Variants in PCDHGB5 observed in about 807,000 individuals in gnomAD.
The protein encoded by PCDHGB5 is protocadherin gamma subfamily B, 5.
Under a neutral mutation model 62.9 loss-of-function variants are expected in PCDHGB5, and 48 were observed. The observed-to-expected ratio is 0.76, with a 90% confidence interval of 0.61 to 0.97. The LOEUF (loss-of-function observed/expected upper bound fraction) is 0.97, where lower values mean the gene tolerates loss of function less well. Among genes scored for constraint, PCDHGB5 ranks in the 50% least tolerant of loss-of-function variants. The pLI, the probability that PCDHGB5 is intolerant of heterozygous loss-of-function variation, is 0.00. For synonymous variants in PCDHGB5, 474 were observed against 511.2 expected, an observed-to-expected ratio of 0.93 and a Z score of 0.98; for missense variants, 1,118 against 1,198.6, an observed-to-expected ratio of 0.93 and a Z score of 0.99.
chr5:141,410,682 C>T (rs1589771736), intron 1 of PCDHGB5: 2 of 1,531,954 alleles, frequency 1.3e-6, no homozygotes, highest in South Asian at 1.2e-5. Context: ...ATATTTTAGG[C>T]ATACTACTTT....
At chr5:141,483,009 C>G (rs538900128) in intron 1 of PCDHGB5, among the ~76,000 whole-genome samples, 1 of 152,060 alleles carries the variant, frequency 6.6e-6, no homozygotes, top group South Asian at 2.1e-4. Context: ...TGCTTGAACC[C>G]GGGAGGCAGA....
chr5:141,469,104 C>T (rs1046234848), intron 1 of PCDHGB5, among the ~76,000 whole-genome samples: 1 of 151,760 alleles, frequency 6.6e-6, no homozygotes, highest in Admixed American at 6.6e-5. Flanking sequence ...AAGCAAGAAC[C>T]TGTCTCTAAA....
rs1461837957 is a variant in PCDHGB5, at chr5:141,432,613, G to C, written c.2397+32089G>C. The C allele has an allele frequency of 6.2e-7, 1 of 1,613,946 alleles. No homozygotes were observed. The highest frequency in any genetic ancestry group is 1.3e-5 in the African/African-American group (1 of 75,056). On this transcript the variant is annotated intron_variant, in intron 1 of 3. Coordinates refer to ENST00000617380, the MANE Select transcript of PCDHGB5 (RefSeq NM_018925.3). The surrounding 1 kb of genome is among the most constrained non-coding windows in gnomAD (Gnocchi z 6.0). ...AGGCCAGCGAGCCGGGACTCTTCTC[G>C]GTGGGTCTGCACACGGGCGAGGTGC...
In PCDHGB5 at chr5:141,487,102, G is replaced by C; in HGVS notation, c.2398-7705G>C. The C allele has an allele frequency of 6.2e-7, 1 of 1,613,900 alleles. No homozygotes were observed. Among genetic ancestry groups the C allele is most frequent in the Non-Finnish European group, 8.5e-7 (1 of 1,179,818 alleles). ...CAGCTGACCTCCCACCACAGAAGCTGGTCATTGTGGTAAAGGATAGTGGTA... is the reference window on the plus strand; with the variant it reads ...CAGCTGACCTCCCACCACAGAAGCTCGTCATTGTGGTAAAGGATAGTGGTA... On this transcript the variant is annotated intron_variant, in intron 1 of 3. Transcript: ENST00000617380. This position sits in a 1 kb window ranked among gnomAD's most constrained non-coding sequence, Gnocchi z 5.0.
chr5:141,412,346 T>C (rs1489657145), intron 1 of PCDHGB5: 1 of 152,238 alleles, frequency 6.6e-6, no homozygotes, highest in African/African-American at 2.4e-5. Flanking sequence ...TATGTTCATT[T>C]TAGTTTGTGA....
In PCDHGB5 at chr5:141,410,160, C is replaced by T. The variant is rs767993789; in HGVS notation, c.2397+9636C>T. ...GCTGTGCGTGACGGTGGACAGCCGC[C>T]ACTCTCTGCCACCGCCACGCTTCAT... On this transcript the variant is annotated intron_variant, in intron 1 of 3. Transcript: ENST00000617380. 100 of 1,613,580 alleles carry T rather than the reference C, an allele frequency of 6.2e-5. No individual in the cohort carries two copies. In the Middle Eastern group the frequency reaches 2.1e-3, roughly 34 times the overall value.
Position 141,487,552 on chromosome 5 carries a change from A to C in PCDHGB5, c.2398-7255A>C. On this transcript the variant is annotated intron_variant, in intron 1 of 3. Coordinates refer to ENST00000617380, the MANE Select transcript of PCDHGB5 (RefSeq NM_018925.3). The surrounding 1 kb of genome is among the most constrained non-coding windows in gnomAD (Gnocchi z 5.0). ...TCATGATGGTGAAGTCACCCAGTGC[A>C]CCTATGGCAGGGGAGCCTGTTCGCC... is the stretch of plus-strand genomic sequence containing the variant. 2 of 1,614,116 alleles carry C rather than the reference A, an allele frequency of 1.2e-6. No homozygotes were observed. The highest frequency in any genetic ancestry group is 1.7e-6 in the Non-Finnish European group (2 of 1,180,024).
chr5:141,413,235 C>A, intron 1 of PCDHGB5: 1 of 1,613,954 alleles, frequency 6.2e-7, no homozygotes, highest in Non-Finnish European at 8.5e-7. Context: ...TGGTCCTGCT[C>A]TGCCTTTTCT....
intron 1 of PCDHGB5, among the ~76,000 whole-genome samples, chr5:141,437,588 A>G (rs1399641711): frequency 6.6e-6 from 1 of 152,134 alleles, no homozygotes; most frequent in African/African-American, 2.4e-5. Context: ...CATGAATTGG[A>G]TAGTTCTGGT....
At chr5:141,471,965 G>A (rs919560714) in intron 1 of PCDHGB5, among the ~76,000 whole-genome samples, 4 of 152,160 alleles carry the variant, frequency 2.6e-5, no homozygotes, top group Non-Finnish European at 4.4e-5. Context: ...GGGGTTGGTT[G>A]CATTACTGTA....
At chr5:141,450,790 A>G (rs2098694056) in intron 1 of PCDHGB5, among the ~76,000 whole-genome samples, 1 of 148,832 alleles carries the variant, frequency 6.7e-6, no homozygotes, top group Admixed American at 6.7e-5. Context: ...CCCGGACCTC[A>G]TGATTGTATT....
At chr5:141,423,499 G>T (rs1590485367) in intron 1 of PCDHGB5, 1 of 1,613,966 alleles carries the variant, frequency 6.2e-7, no homozygotes, top group Non-Finnish European at 8.5e-7. Context: ...TTCCCACGAG[G>T]TCTCTCTCAT....
chr5:141,406,761 A>T (rs1327829124), intron 1 of PCDHGB5, among the ~76,000 whole-genome samples: 1 of 152,234 alleles, frequency 6.6e-6, no homozygotes. Flanking sequence ...ACAAGGAATT[A>T]AAAATATTTC....
rs532725430 is a variant in PCDHGB5, at chr5:141,429,107, G to A, written c.2397+28583G>A. On this transcript the variant is annotated intron_variant, in intron 1 of 3. Transcript: ENST00000617380. ...CTGACCTCGTGATCTGCCCGCCTCG[G>A]CCTCCCAAAGTGCTGGGATTATAGG... The A allele has an allele frequency of 3.8e-3, 579 of 152,026 alleles. 5 individuals are homozygous for A. Among genetic ancestry groups the A allele is most frequent in the Admixed American group, 0.011 (166 of 15,232 alleles). The allele number at this position is 152,026 out of a possible 1,614,324, so 9.4% of individuals were successfully genotyped here. A position where few individuals can be genotyped will look rare whatever the true frequency, so the allele number is the denominator to read the frequency against.
Position 141,486,388 on chromosome 5 carries a change from C to T in PCDHGB5, c.2398-8419C>T, listed in dbSNP as rs2099628930. ...TCAAGTCTGCCTTCAGGAACCAGTT[C>T]TCCCTGGTGACTGCTGGACCCTTGG... On this transcript the variant is annotated intron_variant, in intron 1 of 3. Coordinates refer to ENST00000617380, the MANE Select transcript of PCDHGB5 (RefSeq NM_018925.3). This position sits in a 1 kb window ranked among gnomAD's most constrained non-coding sequence, Gnocchi z 5.0. 2 of 1,613,988 alleles carry T rather than the reference C, an allele frequency of 1.2e-6. No individual in the cohort carries two copies. The highest frequency in any genetic ancestry group is 2.7e-5 in the African/African-American group (2 of 74,924).
In PCDHGB5 at chr5:141,457,491, A is replaced by G. The variant is rs1462989353; in HGVS notation, c.2398-37316A>G. Among the ~76,000 whole-genome samples, 9 of 152,368 alleles carry G rather than the reference A, an allele frequency of 5.9e-5. No individual in the cohort carries two copies. The East Asian group carries it at 1.5e-3, about 26-fold the overall frequency. On this transcript the variant is annotated intron_variant, in intron 1 of 3. Transcript: ENST00000617380. ...ATAAGCAGGGCCAGGGTTAGTCTAA[A>G]ATGTAGGCAAAAAGCTTAAAAACAA...
chr5:141,485,070 G>A lies in PCDHGB5; in HGVS notation c.2398-9737G>A. On this transcript the variant is annotated intron_variant, in intron 1 of 3. Coordinates refer to ENST00000617380, the MANE Select transcript of PCDHGB5 (RefSeq NM_018925.3). The surrounding 1 kb of genome is among the most constrained non-coding windows in gnomAD (Gnocchi z 5.7). ...CGCCGGCCGAACCGCGCCAGAGCTG[G>A]CGCGGGGAAAGGGAGATAGGTGTCT... is the stretch of plus-strand genomic sequence containing the variant. The A allele has an allele frequency of 1.1e-6, 1 of 908,406 alleles. No individual in the cohort carries two copies. Among genetic ancestry groups the A allele is most frequent in the Non-Finnish European group, 1.7e-6 (1 of 580,008 alleles). 56.3% of individuals were successfully genotyped at this position (908,406 alleles called of 1,614,324 possible). A position where few individuals can be genotyped will look rare whatever the true frequency, so the allele number is the denominator to read the frequency against.
At chr5:141,415,701 T>C in intron 1 of PCDHGB5, 2 of 1,506,520 alleles carry the variant, frequency 1.3e-6, no homozygotes, top group Non-Finnish European at 1.8e-6. Context: ...AAAGTGTAAA[T>C]GCTAAAACAC....
At position 141,465,659 on chromosome 5, in the gene PCDHGB5, T is replaced by C. The variant is rs184749770; in HGVS notation, c.2398-29148T>C. Among the ~76,000 whole-genome samples the C allele has an allele frequency of 3.5e-4, 53 of 152,318 alleles. 1 individual carries two copies. Among genetic ancestry groups the C allele is most frequent in the African/African-American group, 1.2e-3 (50 of 41,576 alleles). ...TGCTTTGAACATCCCAAAAAAGCGC[T>C]TGCCATGACATTTGCTCTTGACCAG... On this transcript the variant is annotated intron_variant, in intron 1 of 3. Transcript: ENST00000617380.
Sources: gnomAD v4.1 joint callset for allele counts (sites outside exome capture counted in the v4.1 genomes callset) on GRCh38, gnomAD v4.1.1 for gene constraint, Gnocchi (gnomAD v3.1) non-coding constraint, MANE v1.5 for transcripts, NCBI Gene and HGNC (gene_info 2026-07-23, HGNC 2026-07-21) for gene names.